Variants in TMEM132D observed in about 807,000 individuals in gnomAD.
TMEM132D encodes the protein transmembrane protein 132D, also known as mature OL transmembrane protein.
Under a neutral mutation model 62.3 loss-of-function variants are expected in TMEM132D, and 21 were observed. That is an observed-to-expected ratio of 0.34 (90% CI 0.24 to 0.49). The LOEUF (loss-of-function observed/expected upper bound fraction) is 0.49, where lower values mean the gene tolerates loss of function less well. Among genes scored for constraint, TMEM132D ranks in the 20% least tolerant of loss-of-function variants. The pLI, the probability that TMEM132D is intolerant of heterozygous loss-of-function variation, is 0.99. For synonymous variants in TMEM132D, 621 were observed against 575.6 expected (o/e 1.08, Z -1.13); for missense variants, 1,346 against 1,402.8 (o/e 0.96, Z 0.65).
intron 5 of TMEM132D, among the ~76,000 whole-genome samples, chr12:129,179,004 T>C (rs1459592499): frequency 6.6e-6 from 1 of 152,146 alleles, no homozygotes; most frequent in Middle Eastern, 3.2e-3. Flanking sequence ...TGATCATAAA[T>C]CATACAGCCA....
intron 1 of TMEM132D, among the ~76,000 whole-genome samples, chr12:129,893,944 GA>G (rs1217032534): frequency 6.6e-6 from 1 of 152,152 alleles, no homozygotes; most frequent in Non-Finnish European, 1.5e-5. Context: ...ACGCCCTACA[GA>G]GCTTATCCCG....
chr12:129,546,467 C>A (rs1027646833), intron 2 of TMEM132D, among the ~76,000 whole-genome samples: 1 of 152,078 alleles, frequency 6.6e-6, no homozygotes, highest in African/African-American at 2.4e-5. Context: ...CTGCATTCTC[C>A]TTTAGAGCAC....
At chr12:129,368,681 G>T (rs1373695565) in intron 3 of TMEM132D, among the ~76,000 whole-genome samples, 1 of 151,862 alleles carries the variant, frequency 6.6e-6, no homozygotes, top group Non-Finnish European at 1.5e-5. Flanking sequence ...ACTGTGGGCA[G>T]TGTTGCAAAC....
chr12:129,078,397 C>T, intron 8 of TMEM132D, 137 bp downstream of exon 8: 1 of 797,746 alleles, frequency 1.3e-6, no homozygotes, highest in Admixed American at 2.6e-5. Context: ...TCAGAAGAGC[C>T]CTTTGCAGAT....
At chr12:129,488,943 T>C (rs147049200) in intron 3 of TMEM132D, among the ~76,000 whole-genome samples, 2 of 152,198 alleles carry the variant, frequency 1.3e-5, no homozygotes, top group Non-Finnish European at 2.9e-5. Context: ...CAGGCCTTGT[T>C]TTGTTCAGAG....
At position 129,470,537 on chromosome 12, in the gene TMEM132D, T is replaced by C. The variant is rs201950404; in HGVS notation, c.1115+60522A>G. Reference sequence around the variant, plus strand: ...ATTCTCTGTGATGGGTACTTTTTCTTGTCCTTATTTTTCAGGTGAGGACAT... The same window carrying C: ...ATTCTCTGTGATGGGTACTTTTTCTCGTCCTTATTTTTCAGGTGAGGACAT... On this transcript the variant is annotated intron_variant, in intron 3 of 8. Coordinates refer to ENST00000422113, the MANE Select transcript of TMEM132D (RefSeq NM_133448.3). 3.3e-5 allele frequency among the ~76,000 whole-genome samples: 5 copies of C among 152,312 alleles called. No homozygotes were observed. In the East Asian group the frequency reaches 9.7e-4, roughly 29 times the overall value.
chr12:129,702,951 C>G (rs1009793397), intron 1 of TMEM132D, among the ~76,000 whole-genome samples: 1 of 152,138 alleles, frequency 6.6e-6, no homozygotes, highest in Non-Finnish European at 1.5e-5. Context: ...TTAAGAGCTC[C>G]GTGTAATCCT....
intron 4 of TMEM132D, among the ~76,000 whole-genome samples, chr12:129,235,895 A>G (rs1879765981): frequency 6.6e-6 from 1 of 152,128 alleles, no homozygotes; most frequent in African/African-American, 2.4e-5. Context: ...ATGCCATTGG[A>G]ATTTCAAGGG....
intron 1 of TMEM132D, among the ~76,000 whole-genome samples, chr12:129,849,338 A>T (rs923171339): frequency 6.6e-6 from 1 of 152,090 alleles, no homozygotes; most frequent in African/African-American, 2.4e-5. Flanking sequence ...AATACCAAAA[A>T]ATACAAGCAT....
At chr12:129,142,098 G>A (rs1032155599) in intron 5 of TMEM132D, among the ~76,000 whole-genome samples, 6 of 151,198 alleles carry the variant, frequency 4.0e-5, no homozygotes, top group Non-Finnish European at 7.4e-5. Context: ...GAAAAGACAA[G>A]GCTGTTAAAA....
At chr12:129,269,176 C>T (rs1451544964) in intron 4 of TMEM132D, among the ~76,000 whole-genome samples, 1 of 151,958 alleles carries the variant, frequency 6.6e-6, no homozygotes, top group African/African-American at 2.4e-5. Flanking sequence ...TAATAAATTT[C>T]TTCCCTCTTT....
At chr12:129,644,240 G>A (rs1879711029) in intron 2 of TMEM132D, among the ~76,000 whole-genome samples, 1 of 152,194 alleles carries the variant, frequency 6.6e-6, no homozygotes, top group East Asian at 1.9e-4. Flanking sequence ...CTGAGGCTGT[G>A]TCACGGGCAT....
chr12:129,611,515 T>C (rs1230540062), intron 2 of TMEM132D, among the ~76,000 whole-genome samples: 1 of 152,190 alleles, frequency 6.6e-6, no homozygotes, highest in Non-Finnish European at 1.5e-5. Context: ...GCCCAAGGCA[T>C]ATTTTAAGTG....
At chr12:129,342,189 T>C (rs1327440371) in intron 3 of TMEM132D, among the ~76,000 whole-genome samples, 5 of 152,140 alleles carry the variant, frequency 3.3e-5, no homozygotes, top group East Asian at 1.9e-4. Context: ...TACAAGGCTA[T>C]GGTAACCAAA....
intron 8 of TMEM132D, 36 bp from the exon 9 acceptor site, chr12:129,075,095 CA>C: frequency 6.5e-7 from 1 of 1,547,162 alleles, no homozygotes; most frequent in Non-Finnish European, 8.7e-7. Context: ...TCAAATGGGC[CA>C]AAAAGCTCAT....
Position 129,591,131 on chromosome 12 carries a change from G to T in TMEM132D, c.969-59926C>A, listed in dbSNP as rs74512703. Among the ~76,000 whole-genome samples, 70 of 152,258 alleles carry T rather than the reference G, an allele frequency of 4.6e-4. 2 individuals are homozygous for T. The highest frequency in any genetic ancestry group is 1.6e-3 in the African/African-American group (68 of 41,540). On this transcript the variant is annotated intron_variant, in intron 2 of 8. Transcript: ENST00000422113. ...AAAGAAAGAGGTATATACAAACTCC[G>T]AATAGCAGGCAGAAGGACTGGAATG...
At chr12:129,889,066 G>A (rs1874838727) in intron 1 of TMEM132D, among the ~76,000 whole-genome samples, 1 of 152,136 alleles carries the variant, frequency 6.6e-6, no homozygotes, top group Non-Finnish European at 1.5e-5. Flanking sequence ...ATGTAATTCT[G>A]AGCTAGGAAG....
At chr12:129,394,244 T>C (rs1871361646) in intron 3 of TMEM132D, among the ~76,000 whole-genome samples, 1 of 152,148 alleles carries the variant, frequency 6.6e-6, no homozygotes, top group Non-Finnish European at 1.5e-5. Flanking sequence ...TCTGCTCAGA[T>C]ACATGAAGAG....
intron 5 of TMEM132D, among the ~76,000 whole-genome samples, chr12:129,107,209 G>A (rs1401883448): frequency 2.6e-5 from 4 of 152,108 alleles, no homozygotes. Flanking sequence ...CAAACAGAAA[G>A]TTTCTGAAAC....
Sources: gnomAD v4.1 joint callset for allele counts (sites outside exome capture counted in the v4.1 genomes callset) on GRCh38, gnomAD v4.1.1 for gene constraint, MANE v1.5 for transcripts, NCBI Gene and HGNC (gene_info 2026-07-23, HGNC 2026-07-21) for gene names.